The following RAD51B variants were observed in gnomAD, a reference collection of about 807,000 sequenced individuals.
RAD51B encodes the protein RAD51 paralog B, also known as DNA repair protein RAD51 homolog 2.
A neutral mutation model predicts 42.2 loss-of-function variants in RAD51B; 38 were observed. The ratio of observed to expected loss-of-function variants is 0.90; its 90% CI spans 0.70 to 1.18. The LOEUF (loss-of-function observed/expected upper bound fraction) is 1.18. Among genes scored for constraint, RAD51B ranks in the 50% most tolerant of loss-of-function variants. The probability of loss-of-function intolerance (pLI) is 0.00; values close to 1 mark genes in which losing one functional copy is unlikely to be tolerated. For missense variants in RAD51B, 373 were observed against 400.7 expected (o/e 0.93, Z 0.59); for synonymous variants, 154 against 145.2 (o/e 1.06, Z -0.43).
At chr14:67,927,152 A>G (rs962757387) in intron 7 of RAD51B, among the ~76,000 whole-genome samples, 5 of 152,216 alleles carry the variant, frequency 3.3e-5, no homozygotes, top group Admixed American at 1.3e-4. Context: ...TATACTGTTG[A>G]CTTTAAATGA....
intron 7 of RAD51B, among the ~76,000 whole-genome samples, chr14:68,112,562 G>A (rs1443837531): frequency 6.6e-6 from 1 of 152,088 alleles, no homozygotes; most frequent in Non-Finnish European, 1.5e-5. Context: ...AATATTGTGA[G>A]CCTCAGCTGT....
At chr14:68,223,581 C>T (rs2079973678) in intron 7 of RAD51B, among the ~76,000 whole-genome samples, 1 of 152,258 alleles carries the variant, frequency 6.6e-6, no homozygotes. Flanking sequence ...CATGATAACT[C>T]ATAGCTCCTT....
intron 10 of RAD51B, among the ~76,000 whole-genome samples, chr14:68,536,932 T>G (rs1887657025): frequency 6.7e-6 from 1 of 149,434 alleles, no homozygotes; most frequent in Admixed American, 6.7e-5. Flanking sequence ...ATTGAAAAAA[T>G]TAGCTGGGTG....
At chr14:68,365,197 A>G (rs2139928360) in intron 8 of RAD51B, among the ~76,000 whole-genome samples, 1 of 152,264 alleles carries the variant, frequency 6.6e-6, no homozygotes, top group East Asian at 1.9e-4. Context: ...CTTTAACGCC[A>G]GAGCTTCAGA....
intron 7 of RAD51B, among the ~76,000 whole-genome samples, chr14:68,035,396 A>G (rs575040192): frequency 1.3e-5 from 2 of 152,132 alleles, no homozygotes; most frequent in Admixed American, 6.6e-5. Flanking sequence ...ACAAATTAAC[A>G]TATCCTGAGT....
At chr14:68,272,494 T>C (rs2139590037) in intron 7 of RAD51B, among the ~76,000 whole-genome samples, 1 of 151,230 alleles carries the variant, frequency 6.6e-6, no homozygotes, top group South Asian at 2.1e-4. Context: ...AGAATGATCC[T>C]ATACCTTAGG....
intron 10 of RAD51B, among the ~76,000 whole-genome samples, chr14:68,503,408 G>A (rs987080366): frequency 6.6e-6 from 1 of 151,842 alleles, no homozygotes; most frequent in African/African-American, 2.4e-5. Context: ...AACAGCTGAG[G>A]AGGAGGCATC....
chr14:68,510,375 G>A (rs571218265), intron 10 of RAD51B, among the ~76,000 whole-genome samples: 42 of 152,312 alleles, frequency 2.8e-4, no homozygotes, highest in African/African-American at 9.9e-4. Flanking sequence ...AGGTAGAGTA[G>A]GAGGCTGGGG....
chr14:68,482,193 G>GTGTGTA (rs1280276112), downstream of RAD51B, among the ~76,000 whole-genome samples: 1 of 151,862 alleles, frequency 6.6e-6, no homozygotes, highest in Non-Finnish European at 1.5e-5. Context: ...GTGTGTGTGT[G>GTGTGTA]TGTGTATGTG....
chr14:67,940,992 G>A (rs2045186053), intron 7 of RAD51B, among the ~76,000 whole-genome samples: 1 of 152,126 alleles, frequency 6.6e-6, no homozygotes, highest in Non-Finnish European at 1.5e-5. Context: ...TATTTGTGGG[G>A]TTTGTTTTTT....
At chr14:68,184,601 C>T (rs1293052044) in intron 7 of RAD51B, among the ~76,000 whole-genome samples, 8 of 120,446 alleles carry the variant, frequency 6.6e-5, no homozygotes, top group African/African-American at 2.5e-4. Context: ...TAGAGCAAGG[C>T]CCTGTCTAAA....
intron 4 of RAD51B, among the ~76,000 whole-genome samples, chr14:67,851,545 C>T (rs188223200): frequency 3.4e-4 from 52 of 152,122 alleles, no homozygotes; most frequent in Non-Finnish European, 6.2e-4. Context: ...CTGGCCACCT[C>T]TCTGAAGGGT....
rs1192675062 is a variant in RAD51B, at chr14:67,886,714, C to T, written c.573-307C>T. 8 of 263,094 alleles carry T rather than the reference C, an allele frequency of 3.0e-5. No homozygotes were observed. In the East Asian group the frequency reaches 4.6e-4, roughly 15 times the overall value. The allele number at this position is 263,094 out of a possible 1,614,324, so 16.3% of individuals were successfully genotyped here. ...GGGACCTATACAAGGATGCAAAATA[C>T]CAAGAGGAGGGAGTAAGTGTGGGCC... On this transcript the variant is annotated intron_variant, in intron 6 of 10. Coordinates refer to ENST00000471583, the MANE Select transcript of RAD51B (RefSeq NM_133510.4).
At chr14:67,842,075 T>G (rs1764396208) in intron 4 of RAD51B, among the ~76,000 whole-genome samples, 2 of 152,220 alleles carry the variant, frequency 1.3e-5, no homozygotes, top group South Asian at 2.1e-4. Context: ...AGCAGTGTTT[T>G]GTAGTTCTCC....
chr14:68,664,122 A>G (rs1181831768), intron 11 of RAD51B, among the ~76,000 whole-genome samples: 2 of 152,208 alleles, frequency 1.3e-5, no homozygotes. Flanking sequence ...GAGTAAGAAA[A>G]AATAAGCATT....
At chr14:68,601,207 C>T (rs1037867891) in intron 10 of RAD51B, among the ~76,000 whole-genome samples, 2 of 152,016 alleles carry the variant, frequency 1.3e-5, no homozygotes, top group East Asian at 1.9e-4. Context: ...TAGTTGATCT[C>T]ATAGCCACGT....
chr14:68,045,883 A>G (rs562279461), intron 7 of RAD51B, among the ~76,000 whole-genome samples: 81 of 152,126 alleles, frequency 5.3e-4, no homozygotes, highest in Admixed American at 5.0e-3. Context: ...TAAAATTACT[A>G]TATTTAAAAA....
intron 7 of RAD51B, among the ~76,000 whole-genome samples, chr14:67,977,456 C>T (rs1216406190): frequency 6.6e-6 from 1 of 152,200 alleles, no homozygotes; most frequent in Non-Finnish European, 1.5e-5. Flanking sequence ...TGGCTTTTAG[C>T]CTTGAACTAT....
chr14:68,004,920 A>T (rs553784337), intron 7 of RAD51B, among the ~76,000 whole-genome samples: 1 of 151,514 alleles, frequency 6.6e-6, no homozygotes, highest in Admixed American at 6.6e-5. Flanking sequence ...GAGATTCATC[A>T]TGTTGTATTG....
Sources: gnomAD v4.1 joint callset for allele counts (sites outside exome capture counted in the v4.1 genomes callset) on GRCh38, gnomAD v4.1.1 for gene constraint, MANE v1.5 for transcripts, NCBI Gene and HGNC (gene_info 2026-07-23, HGNC 2026-07-21) for gene names.